Variants in ELOVL6 observed in about 807,000 individuals in gnomAD.
ELOVL6 encodes very long chain fatty acid elongase 6.
A neutral mutation model predicts 31.7 loss-of-function variants in ELOVL6; 8 were observed. The observed-to-expected ratio is 0.25, with a 90% CI of 0.15 to 0.45. ELOVL6 has a LOEUF of 0.45. Among genes scored for constraint, ELOVL6 ranks in the 20% least tolerant of loss-of-function variants. The pLI is 1.00. For synonymous variants in ELOVL6, 101 were observed against 117.7 expected (o/e 0.86, Z 0.92); for missense variants, 126 against 326.4 (o/e 0.39, Z 4.73).
chr4:110,090,137 A>T lies in ELOVL6; in HGVS notation c.221+15360T>A, dbSNP rs114968450. 4.7e-3 allele frequency among the ~76,000 whole-genome samples: 718 copies of T among 152,306 alleles called. 4 individuals carry two copies. Among genetic ancestry groups the T allele is most frequent in the African/African-American group, 0.016 (675 of 41,558 alleles). Reference sequence around the variant, plus strand: ...CTTAATACAGTGCCAGGCACCAATGAATGATGTCTATTGTTAGTGTTAGCA... The same window carrying T: ...CTTAATACAGTGCCAGGCACCAATGTATGATGTCTATTGTTAGTGTTAGCA... On this transcript the variant is annotated intron_variant, in intron 2 of 3. Transcript: ENST00000302274.
At chr4:110,106,461 G>T (rs567633520) in intron 1 of ELOVL6, among the ~76,000 whole-genome samples, 2 of 152,260 alleles carry the variant, frequency 1.3e-5, no homozygotes, top group African/African-American at 4.8e-5. Flanking sequence ...AAGGGGCGGG[G>T]ATTTCCCCAG....
rs117384747 is a variant in ELOVL6 at position 110,063,165 on chromosome 4, T to C, written c.222-3411A>G. Among the ~76,000 whole-genome samples, 52 of 152,328 alleles carry C rather than the reference T, an allele frequency of 3.4e-4. 1 individual carries two copies. The East Asian group carries it at 9.8e-3, about 29-fold the overall frequency. On this transcript the variant is annotated intron_variant, in intron 2 of 3. Transcript: ENST00000302274. ...CTAATTCAAAGTTAAGGAAACTGATTTACAGCTAGTTCAATTTGCCACATT... is the reference window on the plus strand; with the variant it reads ...CTAATTCAAAGTTAAGGAAACTGATCTACAGCTAGTTCAATTTGCCACATT...
intron 2 of ELOVL6, among the ~76,000 whole-genome samples, chr4:110,061,956 A>G (rs1400988230): frequency 6.6e-6 from 1 of 152,194 alleles, no homozygotes; most frequent in Non-Finnish European, 1.5e-5. Flanking sequence ...GTCTCAAAAA[A>G]TCATTGTAAT....
At chr4:110,175,275 CG>C (rs1759069157) in intron 1 of ELOVL6, among the ~76,000 whole-genome samples, 1 of 151,898 alleles carries the variant, frequency 6.6e-6, no homozygotes, top group Non-Finnish European at 1.5e-5. Context: ...CCCAGCTACA[CG>C]GGAGGCTGGG....
At chr4:110,069,410 A>T (rs76019963) in intron 2 of ELOVL6, among the ~76,000 whole-genome samples, 1 of 152,014 alleles carries the variant, frequency 6.6e-6, no homozygotes, top group Non-Finnish European at 1.5e-5. Flanking sequence ...AAAGGCAGTT[A>T]CTGCTTGCTC....
intron 1 of ELOVL6, among the ~76,000 whole-genome samples, chr4:110,165,638 C>T (rs555992737): frequency 4.6e-5 from 7 of 152,278 alleles, no homozygotes; most frequent in South Asian, 4.2e-4. Flanking sequence ...AGGAGCTGGG[C>T]GGTTCTAATC....
In ELOVL6 at chr4:110,083,435, C is replaced by G. The variant is rs199852527; in HGVS notation, c.221+22062G>C. The stretch of plus-strand genomic sequence containing the variant: ...TCACTAAGCACTAATCAGCTGGGCA[C>G]GCTTGGTACGAGCCCAGAGGCTGGC... On this transcript the variant is annotated intron_variant, in intron 2 of 3. Transcript: ENST00000302274. 1.2e-4 allele frequency among the ~76,000 whole-genome samples: 18 copies of G among 151,754 alleles called. 1 individual carries two copies. Among genetic ancestry groups the G allele is most frequent in the African/African-American group, 4.4e-4 (18 of 41,070 alleles).
chr4:110,079,179 A>G (rs1291578338), intron 2 of ELOVL6, among the ~76,000 whole-genome samples: 3 of 152,218 alleles, frequency 2.0e-5, no homozygotes, highest in Non-Finnish European at 4.4e-5. Context: ...TAGACAGATC[A>G]ACAAGACAGA....
intron 1 of ELOVL6, among the ~76,000 whole-genome samples, chr4:110,128,162 G>C (rs1455566475): frequency 6.6e-6 from 1 of 152,176 alleles, no homozygotes; most frequent in African/African-American, 2.4e-5. Context: ...TATAAGCCTG[G>C]CAAAGAAAGT....
intron 2 of ELOVL6, among the ~76,000 whole-genome samples, chr4:110,072,147 T>A (rs535361342): frequency 2.0e-5 from 3 of 152,302 alleles, no homozygotes; most frequent in South Asian, 4.1e-4. Flanking sequence ...GAACATTGAG[T>A]CTGCCAGCTT....
intron 1 of ELOVL6, among the ~76,000 whole-genome samples, chr4:110,120,367 G>T (rs1049399409): frequency 7.6e-6 from 1 of 131,400 alleles, no homozygotes; most frequent in Non-Finnish European, 1.6e-5. Flanking sequence ...AAAAAAAAAA[G>T]ATTTGGCAAG....
chr4:110,099,862 G>A (rs78595248), intron 2 of ELOVL6, among the ~76,000 whole-genome samples: 12,309 of 152,248 alleles, frequency 0.081, 651 homozygotes, highest in South Asian at 0.11. Flanking sequence ...GAGTGTCTGT[G>A]AAGAACAGGG....
At chr4:110,082,137 CT>C (rs1187249076) in intron 2 of ELOVL6, among the ~76,000 whole-genome samples, 1 of 149,910 alleles carries the variant, frequency 6.7e-6, no homozygotes, top group African/African-American at 2.5e-5. Flanking sequence ...CACTTTTACA[CT>C]GTTGGTGGGA....
intron 2 of ELOVL6, among the ~76,000 whole-genome samples, chr4:110,094,445 T>TATATAAAAA (rs1560820752): frequency 2.1e-5 from 1 of 47,408 alleles, no homozygotes; most frequent in Non-Finnish European, 3.6e-5. Flanking sequence ...ATATATATAA[T>TATATAAAAA]ATATATAACA....
chr4:110,114,336 AT>A (rs535256409), intron 1 of ELOVL6, among the ~76,000 whole-genome samples: 1 of 151,130 alleles, frequency 6.6e-6, no homozygotes, highest in African/African-American at 2.4e-5. Flanking sequence ...AGCTGTAGGC[AT>A]TTTTTTTTCT....
At chr4:110,056,463 C>T (rs1173617955) in intron 3 of ELOVL6, among the ~76,000 whole-genome samples, 1 of 151,694 alleles carries the variant, frequency 6.6e-6, no homozygotes, top group Non-Finnish European at 1.5e-5. Context: ...TTTGAGTCAG[C>T]GGTTTACCTC....
intron 1 of ELOVL6, among the ~76,000 whole-genome samples, chr4:110,167,592 G>A (rs918616404): frequency 6.6e-6 from 1 of 152,152 alleles, no homozygotes. Flanking sequence ...GAGTGCAGTG[G>A]TGCAATGATC....
At chr4:110,178,447 C>T (rs773392749) in intron 1 of ELOVL6, among the ~76,000 whole-genome samples, 3 of 151,574 alleles carry the variant, frequency 2.0e-5, no homozygotes, top group Non-Finnish European at 4.4e-5. Context: ...GAGGCTGAGG[C>T]AGAAGAATCG....
chr4:110,145,197 G>A (rs1758073226), intron 1 of ELOVL6, among the ~76,000 whole-genome samples: 1 of 151,950 alleles, frequency 6.6e-6, no homozygotes, highest in South Asian at 2.1e-4. Flanking sequence ...ACCAGTAAGG[G>A]TGGACAGACA....
Sources: allele counts gnomAD v4.1 joint callset (sites outside exome capture counted in the v4.1 genomes callset), GRCh38; gene constraint gnomAD v4.1.1; transcripts MANE v1.5; gene names NCBI Gene and HGNC (gene_info 2026-07-23, HGNC 2026-07-21).